The following GPC5 variants were observed in gnomAD, a reference collection of about 807,000 sequenced individuals.
The protein encoded by GPC5 is glypican 5.
A neutral mutation model predicts 53.9 loss-of-function variants in GPC5; 47 were observed. The ratio of observed to expected loss-of-function variants is 0.87; its 90% CI spans 0.69 to 1.11. The LOEUF is 1.11. Ranked by LOEUF, GPC5 falls within the 50% of genes most tolerant of loss-of-function variation. The pLI, the probability that GPC5 is intolerant of heterozygous loss-of-function variation, is 0.00. For missense variants in GPC5, 748 were observed against 713.1 expected, an observed-to-expected ratio of 1.05 and a Z score of -0.56; for synonymous variants, 286 against 263.3, an observed-to-expected ratio of 1.09 and a Z score of -0.84.
chr13:91,757,272 A>G lies in GPC5; in HGVS notation c.1280+852A>G, dbSNP rs151079012. On this transcript the variant is annotated intron_variant, in intron 5 of 7. Coordinates refer to ENST00000377067, the MANE Select transcript of GPC5 (RefSeq NM_004466.6). Reference sequence around the variant, plus strand: ...GAATCTGTTAAACTATAAAATAAATATATTTTTTATTTGTACATTTTACAT... The same window carrying G: ...GAATCTGTTAAACTATAAAATAAATGTATTTTTTATTTGTACATTTTACAT... 3.9e-5 allele frequency among the ~76,000 whole-genome samples: 6 copies of G among 152,236 alleles called. No individual in the cohort carries two copies. The East Asian group carries it at 7.7e-4, about 20-fold the overall frequency.
chr13:92,751,302 T>TAAAAAAAAAAAAAAAAAAA lies in GPC5; in HGVS notation c.1562-114980_1562-114979insAAAAAAAAAAAAAAAAAAA, dbSNP rs1566400471. Among the ~76,000 whole-genome samples the TAAAAAAAAAAAAAAAAAAA allele has an allele frequency of 2.8e-3, 96 of 34,408 alleles. 21 individuals carry two copies. Among genetic ancestry groups the TAAAAAAAAAAAAAAAAAAA allele is most frequent in the South Asian group, 3.9e-3 (4 of 1,030 alleles). The allele number at this position is 34,408 out of a possible 152,430, so 22.6% of individuals were successfully genotyped here. ...AAAACCTTTGGTCATCCAGAAACAT[T>TAAAAAAAAAAAAAAAAAAA]TAAAAAAAAAAAAAAAAAAAAAAAA... On this transcript the variant is annotated intron_variant, in intron 7 of 7. Coordinates refer to ENST00000377067, the MANE Select transcript of GPC5 (RefSeq NM_004466.6).
At chr13:92,724,171 G>A (rs1302214936) in intron 7 of GPC5, among the ~76,000 whole-genome samples, 1 of 151,124 alleles carries the variant, frequency 6.6e-6, no homozygotes, top group Non-Finnish European at 1.5e-5. Context: ...ATTATTCTAG[G>A]TCAAAAAATA....
At chr13:92,112,273 C>G (rs9589430) in intron 6 of GPC5, among the ~76,000 whole-genome samples, 1 of 151,592 alleles carries the variant, frequency 6.6e-6, no homozygotes, top group South Asian at 2.1e-4. Flanking sequence ...TAATAATTAT[C>G]GATAAGGTAA....
intron 2 of GPC5, among the ~76,000 whole-genome samples, chr13:91,607,412 G>A (rs1249198379): frequency 1.3e-5 from 2 of 152,118 alleles, no homozygotes; most frequent in Non-Finnish European, 2.9e-5. Context: ...TACACTTGGA[G>A]ACGTGCTTGC....
intron 2 of GPC5, among the ~76,000 whole-genome samples, chr13:91,569,628 A>T (rs1051224943): frequency 6.6e-6 from 1 of 152,166 alleles, no homozygotes; most frequent in African/African-American, 2.4e-5. Context: ...AATTTGAATG[A>T]TGGCATCCTT....
intron 6 of GPC5, among the ~76,000 whole-genome samples, chr13:91,967,180 C>T (rs1394139791): frequency 6.6e-6 from 1 of 152,028 alleles, no homozygotes; most frequent in East Asian, 1.9e-4. Flanking sequence ...AGGGGTTTCC[C>T]TTTATAAAAC....
intron 2 of GPC5, among the ~76,000 whole-genome samples, chr13:91,553,189 A>G (rs2138841122): frequency 8.6e-6 from 1 of 116,854 alleles, no homozygotes; most frequent in South Asian, 2.4e-4. Flanking sequence ...GAAGTAGACA[A>G]TATTTTTCCT....
intron 7 of GPC5, among the ~76,000 whole-genome samples, chr13:92,373,723 A>G (rs577992888): frequency 1.3e-5 from 2 of 152,340 alleles, no homozygotes; most frequent in Non-Finnish European, 1.5e-5. Flanking sequence ...GAAATTGTAT[A>G]CATCACAACA....
chr13:92,209,746 T>C (rs1468697078), intron 7 of GPC5, among the ~76,000 whole-genome samples: 1 of 152,164 alleles, frequency 6.6e-6, no homozygotes, highest in Non-Finnish European at 1.5e-5. Flanking sequence ...ATCCACCATA[T>C]GTTAGACAGT....
chr13:92,696,294 A>G (rs886840736), intron 7 of GPC5, among the ~76,000 whole-genome samples: 1 of 150,788 alleles, frequency 6.6e-6, no homozygotes, highest in Non-Finnish European at 1.5e-5. Context: ...CAATGGTGCA[A>G]TAATTTACAC....
intron 7 of GPC5, among the ~76,000 whole-genome samples, chr13:92,444,473 C>A (rs1301621042): frequency 6.6e-6 from 1 of 152,022 alleles, no homozygotes; most frequent in Non-Finnish European, 1.5e-5. Context: ...ATTGATGTTT[C>A]CAGCCTTGAA....
At chr13:91,858,670 T>C (rs901849735) in intron 5 of GPC5, among the ~76,000 whole-genome samples, 1 of 151,956 alleles carries the variant, frequency 6.6e-6, no homozygotes, top group Non-Finnish European at 1.5e-5. Flanking sequence ...AATGGCCTTG[T>C]AGAACGAGTT....
At chr13:92,427,678 T>C (rs970353484) in intron 7 of GPC5, among the ~76,000 whole-genome samples, 1 of 152,086 alleles carries the variant, frequency 6.6e-6, no homozygotes, top group East Asian at 1.9e-4. Flanking sequence ...ATTTTTCCGA[T>C]GATTCCATTG....
At chr13:91,870,391 A>G (rs891765379) in intron 5 of GPC5, among the ~76,000 whole-genome samples, 2 of 152,210 alleles carry the variant, frequency 1.3e-5, no homozygotes, top group Non-Finnish European at 2.9e-5. Flanking sequence ...GTTAATATTT[A>G]AAATATTAGA....
chr13:92,366,319 T>C (rs2043607183), intron 7 of GPC5, among the ~76,000 whole-genome samples: 1 of 151,812 alleles, frequency 6.6e-6, no homozygotes, highest in African/African-American at 2.4e-5. Flanking sequence ...AATTCTGGTC[T>C]TGCCCGGTTC....
intron 2 of GPC5, among the ~76,000 whole-genome samples, chr13:91,651,958 T>A (rs1044399450): frequency 3.9e-5 from 6 of 152,202 alleles, no homozygotes; most frequent in African/African-American, 7.2e-5. Context: ...AAGATACAGA[T>A]TCCTTGCTCC....
intron 2 of GPC5, among the ~76,000 whole-genome samples, chr13:91,671,002 G>T (rs1037094545): frequency 6.6e-6 from 1 of 152,124 alleles, no homozygotes; most frequent in African/African-American, 2.4e-5. Flanking sequence ...TTTGACATTG[G>T]TAAACAATAG....
At chr13:92,856,514 G>A (rs1879004482) in intron 7 of GPC5, among the ~76,000 whole-genome samples, 1 of 151,898 alleles carries the variant, frequency 6.6e-6, no homozygotes, top group Admixed American at 6.6e-5. Context: ...GAAATAAAAG[G>A]TATCCAAATA....
At chr13:92,695,297 G>A (rs547658794) in intron 7 of GPC5, among the ~76,000 whole-genome samples, 23 of 152,054 alleles carry the variant, frequency 1.5e-4, no homozygotes, top group Admixed American at 1.2e-3. Context: ...GTTAATTTAA[G>A]TTCCTTATAG....
Sources: allele counts gnomAD v4.1 joint callset (sites outside exome capture counted in the v4.1 genomes callset), GRCh38; gene constraint gnomAD v4.1.1; transcripts MANE v1.5; gene names NCBI Gene and HGNC (gene_info 2026-07-23, HGNC 2026-07-21).